Variants in NCK2 observed in about 807,000 individuals in gnomAD.
NCK2 encodes the protein NCK adaptor protein 2, also known as cytoplasmic protein NCK2.
A neutral mutation model predicts 33.9 loss-of-function variants in NCK2; 16 were observed. That is an observed-to-expected ratio of 0.47 (90% confidence interval 0.32 to 0.72). The LOEUF is 0.72. Ranked by LOEUF, NCK2 falls within the 30% of genes least tolerant of loss-of-function variation. The pLI is 0.03. For missense variants in NCK2, 418 were observed against 537.3 expected, an observed-to-expected ratio of 0.78 and a Z score of 2.19; for synonymous variants, 273 against 239.9, an observed-to-expected ratio of 1.14 and a Z score of -1.27.
chr2:105,797,261 C>T (rs994971535), intron 1 of NCK2, among the ~76,000 whole-genome samples: 1 of 152,112 alleles, frequency 6.6e-6, no homozygotes, highest in African/African-American at 2.4e-5. Flanking sequence ...TTAAGGGGAA[C>T]CTTTAAAATG....
chr2:105,883,955 G>A (rs1246122347), intron 4 of NCK2, among the ~76,000 whole-genome samples: 1 of 152,190 alleles, frequency 6.6e-6, no homozygotes, highest in Non-Finnish European at 1.5e-5. Context: ...TAGCAGCACC[G>A]TCTTTGTCTG....
rs184757881 is a variant in NCK2 at position 105,845,041 on chromosome 2, A to G, written c.-16-10007A>G. ...CTACACAGGGTCCCTGCTGGCAGGT[A>G]GGTACAGGTTCTTGTCCCTAGAGCG... On this transcript the variant is annotated intron_variant, in intron 2 of 4. Coordinates refer to ENST00000233154, the MANE Select transcript of NCK2 (RefSeq NM_003581.5). Among the ~76,000 whole-genome samples, 734 of 152,202 alleles carry G rather than the reference A, an allele frequency of 4.8e-3. 26 individuals are homozygous for G. Among genetic ancestry groups the G allele is most frequent in the Admixed American group, 0.03 (463 of 15,290 alleles).
intron 1 of NCK2, among the ~76,000 whole-genome samples, chr2:105,796,705 T>C (rs1478382273): frequency 6.6e-6 from 1 of 152,212 alleles, no homozygotes; most frequent in Non-Finnish European, 1.5e-5. Flanking sequence ...TCCCTTTCTT[T>C]TTTTTCCCTT....
At chr2:105,779,859 G>C (rs1690430177) in intron 1 of NCK2, among the ~76,000 whole-genome samples, 1 of 152,138 alleles carries the variant, frequency 6.6e-6, no homozygotes, top group African/African-American at 2.4e-5. Flanking sequence ...ATAGGAAGGA[G>C]AAACTGATAT....
intron 1 of NCK2, among the ~76,000 whole-genome samples, chr2:105,748,951 C>T (rs1689371372): frequency 6.6e-6 from 1 of 152,162 alleles, no homozygotes; most frequent in African/African-American, 2.4e-5. Context: ...AAGGCTTTGA[C>T]CTCAGGATGT....
At chr2:105,758,532 C>T (rs1390851084) in intron 1 of NCK2, among the ~76,000 whole-genome samples, 1 of 151,494 alleles carries the variant, frequency 6.6e-6, no homozygotes, top group Non-Finnish European at 1.5e-5. Flanking sequence ...GCCTCAGCCT[C>T]TCGAGTAGCT....
intron 2 of NCK2, among the ~76,000 whole-genome samples, chr2:105,821,681 C>T (rs185417044): frequency 2.6e-5 from 4 of 152,150 alleles, no homozygotes; most frequent in Admixed American, 2.6e-4. Context: ...AGGTGCCCGG[C>T]ACAGGGCTTG....
At chr2:105,810,062 G>A (rs942542480) in intron 1 of NCK2, among the ~76,000 whole-genome samples, 1 of 152,160 alleles carries the variant, frequency 6.6e-6, no homozygotes, top group African/African-American at 2.4e-5. Context: ...GGGAGAAAGA[G>A]CACACACATC....
intron 1 of NCK2, among the ~76,000 whole-genome samples, chr2:105,760,134 G>A (rs1467689827): frequency 1.3e-5 from 2 of 152,196 alleles, no homozygotes; most frequent in Admixed American, 6.5e-5. Context: ...TGTAGGGGTT[G>A]TATTTACATT....
Position 105,892,960 on chromosome 2 carries a change from CTG to C in NCK2, c.949-18_949-17del, listed in dbSNP as rs1475148280. 3 of 1,593,288 alleles carry C rather than the reference CTG, an allele frequency of 1.9e-6. No homozygotes were observed. The highest frequency in any genetic ancestry group is 2.6e-6 in the Non-Finnish European group (3 of 1,164,380). On this transcript the variant is annotated intron_variant, in intron 4 of 4. Transcript: ENST00000233154. ...GCTCCCCGCTGTGGCCCGGCTGTAA[CTG>C]TGTTCTGTTTCCTCCCCAGCCCAGC...
intron 1 of NCK2, among the ~76,000 whole-genome samples, chr2:105,765,461 G>A (rs1264775563): frequency 2.6e-5 from 4 of 152,196 alleles, no homozygotes; most frequent in African/African-American, 9.6e-5. Flanking sequence ...TTTTCCTTTC[G>A]AGCTGGTGGT....
chr2:105,864,989 G>A (rs3769499), intron 3 of NCK2, among the ~76,000 whole-genome samples: 3,953 of 152,112 alleles, frequency 0.026, 95 homozygotes, highest in East Asian at 0.098. Context: ...ACTAAAAAGC[G>A]GTCACCAGAG....
intron 3 of NCK2, among the ~76,000 whole-genome samples, chr2:105,863,970 GA>G (rs1162593255): frequency 2.0e-5 from 3 of 147,994 alleles, no homozygotes; most frequent in Non-Finnish European, 4.6e-5. Context: ...GAGACTTGGC[GA>G]GGGGGGGTGG....
intron 2 of NCK2, among the ~76,000 whole-genome samples, chr2:105,823,042 G>A (rs891500291): frequency 1.3e-5 from 2 of 151,940 alleles, no homozygotes; most frequent in Non-Finnish European, 2.9e-5. Flanking sequence ...CTTGAAATGA[G>A]CGCATTGCTG....
intron 1 of NCK2, among the ~76,000 whole-genome samples, chr2:105,768,934 C>A (rs1262437737): frequency 6.6e-6 from 1 of 152,170 alleles, no homozygotes; most frequent in Non-Finnish European, 1.5e-5. Context: ...TCCCATTTTT[C>A]AAGAGTTTTT....
At chr2:105,831,452 G>A (rs139760374) in intron 2 of NCK2, among the ~76,000 whole-genome samples, 19 of 145,874 alleles carry the variant, frequency 1.3e-4, no homozygotes, top group African/African-American at 4.8e-4. Flanking sequence ...ATTCTATGCT[G>A]TAAAATCTTT....
At chr2:105,779,584 G>GC (rs1690420968) in intron 1 of NCK2, among the ~76,000 whole-genome samples, 1 of 152,280 alleles carries the variant, frequency 6.6e-6, no homozygotes, top group Middle Eastern at 3.4e-3. Context: ...GAAAAGGACT[G>GC]CCCATTCTTT....
At chr2:105,865,418 G>C (rs1431074738) in intron 3 of NCK2, among the ~76,000 whole-genome samples, 2 of 152,156 alleles carry the variant, frequency 1.3e-5, no homozygotes, top group Non-Finnish European at 2.9e-5. Flanking sequence ...TCTGCCTCTT[G>C]TGATTGCTGT....
In NCK2 at chr2:105,881,369, TC is replaced by T; in HGVS notation, c.273del (p.Thr92ArgfsTer42). On this transcript the variant is annotated frameshift_variant, in exon 4 of 5. Transcript: ENST00000233154. LOFTEE classifies it high-confidence loss of function. ...TRRKTSARDA[S>X]PTPSTDAEYP... The stretch of plus-strand genomic sequence containing the variant: ...CAGGAAGACCAGCGCGCGGGATGCG[TC>T]CCCCACGCCCAGCACGGACGCCGAG... 6.2e-7 allele frequency: 1 copy of T among 1,608,162 alleles called. No individual in the cohort carries two copies.
Sources: allele counts gnomAD v4.1 joint callset (sites outside exome capture counted in the v4.1 genomes callset), GRCh38; gene constraint gnomAD v4.1.1; transcripts MANE v1.5; gene names NCBI Gene and HGNC (gene_info 2026-07-23, HGNC 2026-07-21).